The following PRCP variants were observed in gnomAD, a reference collection of about 807,000 sequenced individuals.
PRCP encodes the protein lysosomal Pro-X carboxypeptidase.
In PRCP, 46 loss-of-function variants were observed where a neutral mutation model predicts 54.2. That is an observed-to-expected ratio of 0.85 (90% CI 0.67 to 1.09). The LOEUF (loss-of-function observed/expected upper bound fraction) is 1.09. Ranked by LOEUF, PRCP falls within the 50% of genes least tolerant of loss-of-function variation. The pLI, the probability that PRCP is intolerant of heterozygous loss-of-function variation, is 0.00. For synonymous variants in PRCP, 240 were observed against 212.2 expected (o/e 1.13, Z -1.14); for missense variants, 613 against 596.8 (o/e 1.03, Z -0.28).
chr11:82,866,168 A>G (rs547039190), intron 1 of PRCP, among the ~76,000 whole-genome samples: 1 of 152,362 alleles, frequency 6.6e-6, no homozygotes, highest in African/African-American at 2.4e-5. Context: ...GATACCAGAA[A>G]GTATTGGAGA....
At chr11:82,856,263 A>G (rs1241979577) in intron 2 of PRCP, among the ~76,000 whole-genome samples, 2 of 152,270 alleles carry the variant, frequency 1.3e-5, no homozygotes, top group Non-Finnish European at 2.9e-5. Flanking sequence ...ACACAGAATC[A>G]ACCTAGATAC....
chr11:82,832,200 A>G (rs941284930), intron 8 of PRCP, among the ~76,000 whole-genome samples: 1 of 152,116 alleles, frequency 6.6e-6, no homozygotes, highest in South Asian at 2.1e-4. Flanking sequence ...GTCTTTTTAG[A>G]ATGATTTTTA....
At chr11:82,828,101 C>T (rs1858287384) in intron 8 of PRCP, 1 of 152,080 alleles carries the variant, frequency 6.6e-6, no homozygotes, top group South Asian at 2.1e-4. Context: ...TTGTAACAAC[C>T]CTATGAAGTA....
At chr11:82,898,774 T>C (rs1251316956) in intron 1 of PRCP, among the ~76,000 whole-genome samples, 3 of 152,214 alleles carry the variant, frequency 2.0e-5, no homozygotes, top group Non-Finnish European at 4.4e-5. Context: ...AGAAAAAAGA[T>C]TATTTCCTAG....
chr11:82,867,879 A>G (rs928591403), intron 1 of PRCP, among the ~76,000 whole-genome samples: 2 of 152,002 alleles, frequency 1.3e-5, no homozygotes, highest in East Asian at 1.9e-4. Context: ...ACACCACCAC[A>G]CCCGGTTTGT....
intron 1 of PRCP, among the ~76,000 whole-genome samples, chr11:82,887,284 A>G (rs930313454): frequency 6.6e-6 from 1 of 152,146 alleles, no homozygotes; most frequent in African/African-American, 2.4e-5. Flanking sequence ...ATTACTTGTG[A>G]CTATCTTCTT....
At chr11:82,848,364 T>C (rs1296729618) in intron 6 of PRCP, among the ~76,000 whole-genome samples, 2 of 152,244 alleles carry the variant, frequency 1.3e-5, no homozygotes, top group African/African-American at 4.8e-5. Context: ...CTTTCCAAAG[T>C]GTTTCACATC....
chr11:82,869,105 C>G (rs146004141), intron 1 of PRCP, among the ~76,000 whole-genome samples: 19 of 151,684 alleles, frequency 1.3e-4, no homozygotes, highest in African/African-American at 4.6e-4. Flanking sequence ...CCTGTAATTC[C>G]AACACTTCAG....
intron 8 of PRCP, chr11:82,831,380 T>C (rs1858378406): frequency 6.6e-6 from 1 of 152,218 alleles, no homozygotes; most frequent in South Asian, 2.1e-4. Context: ...AGGCACTGAT[T>C]GGGCACGGGA....
rs572830730 is a variant in PRCP, at chr11:82,863,469, G to T, written c.169-3352C>A. On this transcript the variant is annotated intron_variant, in intron 1 of 8. Coordinates refer to ENST00000313010, the MANE Select transcript of PRCP (RefSeq NM_005040.4). ...CAAGGGAGGAAAGACTGACTGTGTT[G>T]GACTTAAAGAAAGGAAGCTCATGGC... is the stretch of plus-strand genomic sequence containing the variant. Among the ~76,000 whole-genome samples the T allele has an allele frequency of 7.2e-5, 11 of 152,214 alleles. No homozygotes were observed. In the East Asian group the frequency reaches 1.9e-3, roughly 27 times the overall value.
At chr11:82,860,340 A>G (rs1251602104) in intron 1 of PRCP, among the ~76,000 whole-genome samples, 1 of 148,824 alleles carries the variant, frequency 6.7e-6, no homozygotes, top group Non-Finnish European at 1.5e-5. Context: ...GGTGATCAAG[A>G]TTTTCAATGT....
At chr11:82,867,497 G>A (rs1263677800) in intron 1 of PRCP, among the ~76,000 whole-genome samples, 1 of 152,174 alleles carries the variant, frequency 6.6e-6, no homozygotes, top group Non-Finnish European at 1.5e-5. Flanking sequence ...ATTAGAGGGA[G>A]ATTCTATCTG....
At chr11:82,871,810 TCA>T (rs942941046) in intron 1 of PRCP, among the ~76,000 whole-genome samples, 5 of 152,238 alleles carry the variant, frequency 3.3e-5, no homozygotes, top group African/African-American at 1.2e-4. Flanking sequence ...CTAACCCTGC[TCA>T]CACTGGATTA....
chr11:82,842,931 G>T (rs1858709825), intron 6 of PRCP, among the ~76,000 whole-genome samples: 1 of 152,094 alleles, frequency 6.6e-6, no homozygotes, highest in South Asian at 2.1e-4. Flanking sequence ...TAACAATTTT[G>T]GTAGCAGAGT....
intron 1 of PRCP, among the ~76,000 whole-genome samples, chr11:82,863,012 C>T (rs1388364605): frequency 7.2e-5 from 11 of 152,284 alleles, no homozygotes; most frequent in African/African-American, 2.6e-4. Flanking sequence ...TAAGTGATTC[C>T]ACCTGCTTCC....
At chr11:82,843,498 T>A (rs1225789745) in intron 6 of PRCP, among the ~76,000 whole-genome samples, 1 of 152,218 alleles carries the variant, frequency 6.6e-6, no homozygotes, top group Non-Finnish European at 1.5e-5. Flanking sequence ...ACCCTGATAA[T>A]GTGCAGATAT....
At chr11:82,829,077 T>TTATC (rs1217948703) in intron 8 of PRCP, 7 of 152,228 alleles carry the variant, frequency 4.6e-5, no homozygotes, top group African/African-American at 7.2e-5. Flanking sequence ...CAAGTCACCA[T>TTATC]TATCTCTAGC....
upstream of PRCP, among the ~76,000 whole-genome samples, chr11:82,901,195 C>T (rs561175332): frequency 2.7e-3 from 408 of 152,288 alleles, 1 homozygote; most frequent in African/African-American, 8.9e-3. Flanking sequence ...GTGTTGCTCG[C>T]ACAACCCATC....
chr11:82,850,803 T>C (rs969401937), intron 3 of PRCP, among the ~76,000 whole-genome samples: 28 of 152,222 alleles, frequency 1.8e-4, no homozygotes, highest in African/African-American at 6.8e-4. Context: ...CTAAGCTTAA[T>C]AGATAACTGT....
Sources: allele counts gnomAD v4.1 joint callset (sites outside exome capture counted in the v4.1 genomes callset), GRCh38; gene constraint gnomAD v4.1.1; transcripts MANE v1.5; gene names NCBI Gene and HGNC (gene_info 2026-07-23, HGNC 2026-07-21).